Variants in MICALL1 observed in about 807,000 individuals in gnomAD.
MICALL1 encodes the protein MICAL-like protein 1.
Under a neutral mutation model 83.7 loss-of-function variants are expected in MICALL1, and 61 were observed. The ratio of observed to expected loss-of-function variants is 0.73; its 90% CI spans 0.59 to 0.90. The LOEUF (loss-of-function observed/expected upper bound fraction) is 0.90. MICALL1 is among the 40% of genes least tolerant of loss of function. The pLI is 0.00. For synonymous variants in MICALL1, 481 were observed against 473.6 expected (o/e 1.02, Z -0.20); for missense variants, 1,066 against 1,152.0 (o/e 0.93, Z 1.08).
At chr22:37,909,772 G>A (rs1290741303) in intron 1 of MICALL1, among the ~76,000 whole-genome samples, 4 of 152,262 alleles carry the variant, frequency 2.6e-5, no homozygotes, top group African/African-American at 7.2e-5. Context: ...AATATTGCCA[G>A]CGCATTGCAC....
At chr22:37,927,152 G>T (rs933047708) in intron 8 of MICALL1, 1 of 453,374 alleles carries the variant, frequency 2.2e-6, no homozygotes, top group Non-Finnish European at 3.9e-6. Context: ...GTGCCCTCAT[G>T]GGGGCTATGG....
At chr22:37,915,170 T>C (rs1928598509) in intron 3 of MICALL1, among the ~76,000 whole-genome samples, 1 of 151,918 alleles carries the variant, frequency 6.6e-6, no homozygotes, top group African/African-American at 2.4e-5. Flanking sequence ...GAGGTTTGCT[T>C]GAGGCCAGGA....
chr22:37,935,638 C>T (rs182885214), intron 13 of MICALL1, among the ~76,000 whole-genome samples: 10 of 151,990 alleles, frequency 6.6e-5, no homozygotes, highest in African/African-American at 1.4e-4. Context: ...CTGCAACCTC[C>T]GCCTCCCAGG....
In MICALL1 at chr22:37,933,119, G is replaced by A; in HGVS notation, c.2308+7G>A. ...TGCCTCCTCAATAAGCCAGGTGAGT[G>A]CAGCCACTGGCACTCCCCTGGCACC... On this transcript the variant is annotated splice_region_variant and intron_variant, in intron 13 of 15. Transcript: ENST00000215957. The A allele has an allele frequency of 6.2e-7, 1 of 1,612,672 alleles. No homozygotes were observed. The highest frequency in any genetic ancestry group is 8.5e-7 in the Non-Finnish European group (1 of 1,179,784).
In MICALL1 at chr22:37,930,412, C is replaced by T. The variant is rs900833555; in HGVS notation, c.1882-1387C>T. 6.6e-6 allele frequency among the ~76,000 whole-genome samples: 1 copy of T among 152,102 alleles called. No individual in the cohort carries two copies. ...TTCTTGCTGTGCCCAGACCTGGGCC[C>T]CAGCACCCTCCCTGCTTCAGAAACC... On this transcript the variant is annotated intron_variant, in intron 9 of 15. Coordinates refer to ENST00000215957, the MANE Select transcript of MICALL1 (RefSeq NM_033386.4). The surrounding 1 kb of genome is among the most constrained non-coding windows in gnomAD (Gnocchi z 4.8).
At chr22:37,925,159 T>C (rs908602770) in intron 7 of MICALL1, among the ~76,000 whole-genome samples, 1 of 152,166 alleles carries the variant, frequency 6.6e-6, no homozygotes, top group Non-Finnish European at 1.5e-5. Context: ...TTGAGGGCCA[T>C]GCTTCCCCCA....
intron 1 of MICALL1, chr22:37,907,587 C>T (rs1277850126): frequency 6.6e-6 from 1 of 152,364 alleles, no homozygotes; most frequent in South Asian, 2.1e-4. Flanking sequence ...CAGGGCTCCC[C>T]CAGCCTGGCA....
At position 37,929,910 on chromosome 22, in the gene MICALL1, G is replaced by A. The variant is rs538862487; in HGVS notation, c.1882-1889G>A. Among the ~76,000 whole-genome samples the A allele has an allele frequency of 2.2e-3, 332 of 152,308 alleles. 1 individual carries two copies. The highest frequency in any genetic ancestry group is 3.7e-3 in the Non-Finnish European group (251 of 68,020). On this transcript the variant is annotated intron_variant, in intron 9 of 15. Transcript: ENST00000215957. ...GCATCGTTGAACCTTCCCTGGTCCC[G>A]GCAAGAGCCTCTTGGGCATTGATTC...
rs1243263554 is a variant in MICALL1, at chr22:37,924,486, A to C, written c.1025-174A>C. Among the ~76,000 whole-genome samples the C allele has an allele frequency of 6.6e-6, 1 of 152,080 alleles. No homozygotes were observed. The highest frequency in any genetic ancestry group is 1.5e-5 in the Non-Finnish European group (1 of 68,008). On this transcript the variant is annotated intron_variant, in intron 6 of 15. Transcript: ENST00000215957. This position sits in a 1 kb window ranked among gnomAD's most constrained non-coding sequence, Gnocchi z 5.2. Reference sequence around the variant, plus strand: ...TCAGGTGGCCTGGCCTTGACCCCTGACTGTTCTCAGGCACCTGGGTGCTTA... The same window carrying C: ...TCAGGTGGCCTGGCCTTGACCCCTGCCTGTTCTCAGGCACCTGGGTGCTTA...
Position 37,927,689 on chromosome 22 carries a change from G to T in MICALL1, c.1744G>T (p.Ala582Ser), listed in dbSNP as rs1929549262. 5 of 1,614,108 alleles carry T rather than the reference G, an allele frequency of 3.1e-6. No homozygotes were observed. Among genetic ancestry groups the T allele is most frequent in the Non-Finnish European group, 4.2e-6 (5 of 1,180,028 alleles). Residue 582 changes from alanine (A) to serine (S), a missense_variant, in exon 9 of 16, where the codon GCC becomes TCC. Coordinates refer to ENST00000215957, the MANE Select transcript of MICALL1 (RefSeq NM_033386.4). ...EQMPQASPGLAPRTRGSSGPQ... is the reference protein window; with the variant it reads ...EQMPQASPGLSPRTRGSSGPQ... ...AATGCCTCAAGCCAGCCCTGGCCTT[G>T]CCCCCAGGACCAGGGGCAGCTCAGG...
chr22:37,911,522 T>A (rs1192948217), intron 1 of MICALL1, among the ~76,000 whole-genome samples: 1 of 152,190 alleles, frequency 6.6e-6, no homozygotes, highest in Non-Finnish European at 1.5e-5. Context: ...ACAGAGTTGC[T>A]GTGAAAAGAA....
chr22:37,926,087 G>T, intron 8 of MICALL1, 44 bp downstream of exon 8: 1 of 1,535,796 alleles, frequency 6.5e-7, no homozygotes, highest in African/African-American at 1.4e-5. Context: ...GGAACTCGGG[G>T]GTGGGGCCCG....
At chr22:37,911,911 C>T (rs760151412) in intron 1 of MICALL1, 41 bp from the exon 2 acceptor site, 27 of 1,608,638 alleles carry the variant, frequency 1.7e-5, no homozygotes, top group East Asian at 6.7e-5. Flanking sequence ...TTCCCAGTCA[C>T]CTCCCCTCTT....
intron 1 of MICALL1, among the ~76,000 whole-genome samples, chr22:37,910,963 C>T (rs949420491): frequency 3.1e-4 from 47 of 152,346 alleles, no homozygotes; most frequent in African/African-American, 1.1e-3. Context: ...CCACCCATCT[C>T]CGGCAGTCAG....
intron 1 of MICALL1, among the ~76,000 whole-genome samples, chr22:37,908,871 G>T (rs1342937728): frequency 2.0e-5 from 3 of 152,140 alleles, no homozygotes; most frequent in Admixed American, 2.0e-4. Context: ...GGACGTTCTG[G>T]CATGGGACCC....
chr22:37,914,415 C>T (rs1048932441), intron 3 of MICALL1, among the ~76,000 whole-genome samples: 2 of 147,496 alleles, frequency 1.4e-5, no homozygotes, highest in African/African-American at 2.5e-5. Context: ...TTAGTAGAGA[C>T]GGGGTTTCAC....
chr22:37,942,156 T>C lies in MICALL1; in HGVS notation c.*1326T>C, dbSNP rs531456397. ...GATCTCTGCCCTCACCGCCTGCCAC[T>C]GGGCAGGATCCCTTTCCTCTGCAGG... On this transcript the variant is annotated 3_prime_UTR_variant, in exon 16 of 16. Coordinates refer to ENST00000215957, the MANE Select transcript of MICALL1 (RefSeq NM_033386.4). 1 of 152,400 alleles carries C rather than the reference T, an allele frequency of 6.6e-6. No individual in the cohort carries two copies. The highest frequency in any genetic ancestry group is 1.9e-4 in the East Asian group (1 of 5,174). The allele number at this position is 152,400 out of a possible 1,614,324, so 9.4% of individuals were successfully genotyped here. A position where few individuals can be genotyped will look rare whatever the true frequency, so the allele number is the denominator to read the frequency against.
chr22:37,910,348 G>A lies in MICALL1; in HGVS notation c.147-1604G>A, dbSNP rs780293748. ...ACCCCAGCCTTCTTGGAACACTTCTGGGGTGACCGAAATAAACGGCTGAGA... is the reference window on the plus strand; with the variant it reads ...ACCCCAGCCTTCTTGGAACACTTCTAGGGTGACCGAAATAAACGGCTGAGA... On this transcript the variant is annotated intron_variant, in intron 1 of 15. Transcript: ENST00000215957. 2.1e-4 allele frequency among the ~76,000 whole-genome samples: 32 copies of A among 152,212 alleles called. 1 individual carries two copies. Among genetic ancestry groups the A allele is most frequent in the Middle Eastern group, 3.4e-3 (1 of 292 alleles).
intron 7 of MICALL1, among the ~76,000 whole-genome samples, chr22:37,925,013 C>T (rs1021126760): frequency 2.6e-5 from 4 of 152,160 alleles, no homozygotes; most frequent in Admixed American, 1.3e-4. Context: ...GAGGCCGAGG[C>T]TTGATTATAG....
Sources: gnomAD v4.1 joint callset for allele counts (sites outside exome capture counted in the v4.1 genomes callset) on GRCh38, gnomAD v4.1.1 for gene constraint, Gnocchi (gnomAD v3.1) non-coding constraint, MANE v1.5 for transcripts, NCBI Gene and HGNC (gene_info 2026-07-23, HGNC 2026-07-21) for gene names.